UNC5C: variants seen among roughly 807,000 people sequenced by gnomAD.
UNC5C encodes the protein netrin receptor UNC5C.
Under a neutral mutation model 99.8 loss-of-function variants are expected in UNC5C, and 47 were observed. That is an observed-to-expected ratio of 0.47 (90% CI 0.37 to 0.60). The LOEUF is 0.60. UNC5C is among the 20% of genes least tolerant of loss of function. UNC5C has a pLI of 0.00. For synonymous variants in UNC5C, 487 were observed against 452.2 expected, an observed-to-expected ratio of 1.08 and a Z score of -0.98; for missense variants, 1,062 against 1,165.9, an observed-to-expected ratio of 0.91 and a Z score of 1.30.
At chr4:95,470,151 C>T (rs1053180936) in intron 1 of UNC5C, among the ~76,000 whole-genome samples, 1 of 152,048 alleles carries the variant, frequency 6.6e-6, no homozygotes, top group African/African-American at 2.4e-5. Context: ...ATAAAATAGA[C>T]TAGTATGTAT....
At chr4:95,253,650 G>A (rs1739840496) in intron 4 of UNC5C, among the ~76,000 whole-genome samples, 1 of 152,164 alleles carries the variant, frequency 6.6e-6, no homozygotes, top group Non-Finnish European at 1.5e-5. Context: ...AAGAAGCAAA[G>A]GGTCCTACAG....
chr4:95,448,328 G>A (rs1016442420), intron 1 of UNC5C, among the ~76,000 whole-genome samples: 1 of 151,364 alleles, frequency 6.6e-6, no homozygotes, highest in Admixed American at 6.6e-5. Flanking sequence ...AGCCACACAT[G>A]CAACATTTGA....
In UNC5C at chr4:95,169,287, C is replaced by A; in HGVS notation, c.2743G>T (p.Glu915Ter). Residue 915 changes from glutamate to a stop codon, truncating the protein, a stop_gained, in exon 16 of 16, where the codon GAA becomes TAA. Transcript: ENST00000453304. LOFTEE classifies it high-confidence loss of function. ...ACCACCGTTTCATGTCTTCCCATTT[C>A]TTCCAAGACAGCTGCCAGCATGCTC... ...NLSMLAAVLE[E>*]MGRHETVVSL... 1 of 1,614,190 alleles carries A rather than the reference C, an allele frequency of 6.2e-7. No individual in the cohort carries two copies. Among genetic ancestry groups the A allele is most frequent in the East Asian group, 2.2e-5 (1 of 44,868 alleles).
At chr4:95,309,029 C>T (rs10027175) in intron 2 of UNC5C, among the ~76,000 whole-genome samples, 125,757 of 152,034 alleles carry the variant, frequency 0.83, 52,161 homozygotes, top group Middle Eastern at 0.88. Context: ...TTGATCTCCA[C>T]ATCTACTATA....
At chr4:95,280,447 G>A (rs770157760) in intron 3 of UNC5C, among the ~76,000 whole-genome samples, 4 of 152,150 alleles carry the variant, frequency 2.6e-5, no homozygotes, top group Non-Finnish European at 5.9e-5. Context: ...CCAGTACTTT[G>A]GGAGGCCAAG....
chr4:95,306,595 C>A (rs558120789), intron 2 of UNC5C, among the ~76,000 whole-genome samples: 1 of 152,146 alleles, frequency 6.6e-6, no homozygotes, highest in Non-Finnish European at 1.5e-5. Flanking sequence ...AGTGAATTTG[C>A]GCCTTCTGAT....
chr4:95,195,531 A>T (rs922184073), intron 12 of UNC5C, among the ~76,000 whole-genome samples: 1 of 152,214 alleles, frequency 6.6e-6, no homozygotes, highest in Non-Finnish European at 1.5e-5. Flanking sequence ...AGGGAAGATC[A>T]GCCTTAGAAG....
chr4:95,361,930 G>T (rs1018330640), intron 1 of UNC5C, among the ~76,000 whole-genome samples: 4 of 151,436 alleles, frequency 2.6e-5, no homozygotes, highest in African/African-American at 9.7e-5. Flanking sequence ...CATGCTACGT[G>T]ACGTATATAT....
chr4:95,341,507 G>A (rs137998062), intron 1 of UNC5C, among the ~76,000 whole-genome samples: 5 of 144,788 alleles, frequency 3.5e-5, no homozygotes, highest in Admixed American at 1.4e-4. Flanking sequence ...AAGAAAGAGA[G>A]AGAAAGAAAG....
At chr4:95,487,777 G>A (rs913519378) in intron 1 of UNC5C, among the ~76,000 whole-genome samples, 1 of 151,620 alleles carries the variant, frequency 6.6e-6, no homozygotes, top group Non-Finnish European at 1.5e-5. Flanking sequence ...AAGTTACTCT[G>A]GTAACCATAT....
At chr4:95,442,837 T>A (rs200612017) in intron 1 of UNC5C, among the ~76,000 whole-genome samples, 1 of 145,352 alleles carries the variant, frequency 6.9e-6, no homozygotes, top group Non-Finnish European at 1.5e-5. Context: ...CACACACACA[T>A]ACACACACAA....
rs372308726 is a variant in UNC5C at position 95,202,950 on chromosome 4, G to A, written c.1917C>T (p.Val639=). The A allele has an allele frequency of 3.9e-4, 634 of 1,613,890 alleles. No individual in the cohort carries two copies. The highest frequency in any genetic ancestry group is 5.1e-4 in the Non-Finnish European group (600 of 1,180,014). The change falls in exon 12 of 16, where the codon GTC becomes GTT. Residue 639 remains valine (V), a synonymous_variant. Transcript: ENST00000453304. ...AQGQWEDVVV[V]GEENFTTPCY... ...AGGGGGTGGTGAAGTTTTCCTCCCCGACCACCACCACATCCTGGGGGACAA... is the reference window on the plus strand; with the variant it reads ...AGGGGGTGGTGAAGTTTTCCTCCCCAACCACCACCACATCCTGGGGGACAA...
At chr4:95,188,202 C>A (rs1425039595) in intron 12 of UNC5C, among the ~76,000 whole-genome samples, 1 of 152,088 alleles carries the variant, frequency 6.6e-6, no homozygotes, top group South Asian at 2.1e-4. Context: ...CTTGTCCTTT[C>A]ACTAGTACCT....
rs552456174 is a variant in UNC5C at position 95,469,215 on chromosome 4, G to C, written c.124+79519C>G. ...CCTGCATTAAAAACTTGTTCAGGCA[G>C]ATATTGTTTCTTCTCAATGATTTTC... is the stretch of plus-strand genomic sequence containing the variant. On this transcript the variant is annotated intron_variant, in intron 1 of 15. Coordinates refer to ENST00000453304, the MANE Select transcript of UNC5C (RefSeq NM_003728.4). 3.3e-5 allele frequency among the ~76,000 whole-genome samples: 5 copies of C among 152,252 alleles called. No homozygotes were observed. The South Asian group carries it at 1.0e-3, about 32-fold the overall frequency.
chr4:95,270,167 G>A (rs1740606573), intron 4 of UNC5C, among the ~76,000 whole-genome samples: 1 of 152,042 alleles, frequency 6.6e-6, no homozygotes, highest in Admixed American at 6.6e-5. Context: ...TCCCTTGTAG[G>A]TGCTTTAAAC....
chr4:95,171,624 A>T (rs1405713055), intron 14 of UNC5C, among the ~76,000 whole-genome samples: 1 of 151,820 alleles, frequency 6.6e-6, no homozygotes, highest in African/African-American at 2.4e-5. Context: ...ACATTTTCTT[A>T]ATCCAGTCTA....
rs139563585 is a variant in UNC5C, at chr4:95,292,355, T to C, written c.490+9251A>G. On this transcript the variant is annotated intron_variant, in intron 3 of 15. Transcript: ENST00000453304. ...TGCGATCTCAGCTCACCGCAAGCTC[T>C]GCCTCCCAGGTTCACGCCATTCTCC... is the stretch of plus-strand genomic sequence containing the variant. 2.1e-3 allele frequency among the ~76,000 whole-genome samples: 321 copies of C among 151,398 alleles called. 2 individuals carry two copies. Among genetic ancestry groups the C allele is most frequent in the African/African-American group, 5.8e-3 (238 of 41,330 alleles).
chr4:95,370,757 A>G (rs961199357), intron 1 of UNC5C, among the ~76,000 whole-genome samples: 2 of 152,206 alleles, frequency 1.3e-5, no homozygotes, highest in Non-Finnish European at 2.9e-5. Flanking sequence ...ACAGGTTTAT[A>G]CTTTATCACA....
intron 1 of UNC5C, among the ~76,000 whole-genome samples, chr4:95,388,845 T>G (rs1745279686): frequency 1.3e-5 from 2 of 152,314 alleles, no homozygotes; most frequent in Admixed American, 1.3e-4. Context: ...ATCATGCTTT[T>G]AATTTCTTTG....
Sources: allele counts gnomAD v4.1 joint callset (sites outside exome capture counted in the v4.1 genomes callset), GRCh38; gene constraint gnomAD v4.1.1; transcripts MANE v1.5; gene names NCBI Gene and HGNC (gene_info 2026-07-23, HGNC 2026-07-21).